Variants in SORT1 observed in about 807,000 individuals in gnomAD.
SORT1 encodes the protein sortilin.
In SORT1, 39 loss-of-function variants were observed where a neutral mutation model predicts 101.7. That is an observed-to-expected ratio of 0.38 (90% confidence interval 0.30 to 0.50). The LOEUF (loss-of-function observed/expected upper bound fraction) is 0.50. Ranked by LOEUF, SORT1 falls within the 20% of genes least tolerant of loss-of-function variation. The probability of loss-of-function intolerance (pLI) is 0.90; values close to 1 mark genes in which losing one functional copy is unlikely to be tolerated. For synonymous variants in SORT1, 396 were observed against 393.7 expected (o/e 1.01, Z -0.07); for missense variants, 878 against 1,040.4 (o/e 0.84, Z 2.15).
chr1:109,314,788 T>C lies in SORT1; in HGVS notation c.2251-10A>G, dbSNP rs1186304048. The C allele has an allele frequency of 9.1e-6, 14 of 1,539,112 alleles. No homozygotes were observed. The highest frequency in any genetic ancestry group is 2.2e-5 in the East Asian group (1 of 44,526). On this transcript the variant is annotated splice_polypyrimidine_tract_variant and intron_variant, in intron 17 of 19. Coordinates refer to ENST00000256637, the MANE Select transcript of SORT1 (RefSeq NM_002959.7). Reference sequence around the variant, plus strand: ...AATTTGACTTGGAATTCTTGAGAAATTAAAACACAAACACAAAAGTTTTAG... The same window carrying C: ...AATTTGACTTGGAATTCTTGAGAAACTAAAACACAAACACAAAAGTTTTAG...
At chr1:109,377,915 C>T (rs904725994) in intron 1 of SORT1, among the ~76,000 whole-genome samples, 8 of 151,974 alleles carry the variant, frequency 5.3e-5, no homozygotes, top group African/African-American at 1.9e-4. Context: ...ACAGTAAATG[C>T]TATTAAGACT....
Position 109,397,768 on chromosome 1 carries a change from G to T in SORT1, c.125C>A (p.Pro42Gln), listed in dbSNP as rs1238548467. The T allele has an allele frequency of 5.0e-6, 6 of 1,210,080 alleles. No homozygotes were observed. Among genetic ancestry groups the T allele is most frequent in the Non-Finnish European group, 6.2e-6 (6 of 972,546 alleles). The allele number at this position is 1,210,080 out of a possible 1,614,324, so 75.0% of individuals were successfully genotyped here. The stretch of plus-strand genomic sequence containing the variant: ...CCAGCGCGGCAGCGGCGCAGCGGGC[G>T]GCGGCGGCGCGTCCAGCCGGTCCTG... ...LSQDRLDAPP[P>Q]PAAPLPRWSG... The change falls in exon 1 of 20, where the codon CCG becomes CAG. Residue 42 changes from proline (P) to glutamine (Q), a missense_variant. Physicochemically the swap from Pro to Gln is moderately conservative, Grantham distance 76. Coordinates refer to ENST00000256637, the MANE Select transcript of SORT1 (RefSeq NM_002959.7).
intron 2 of SORT1, chr1:109,368,785 G>A (rs572136390): frequency 2.9e-4 from 44 of 152,262 alleles, no homozygotes; most frequent in Non-Finnish European, 8.8e-5. Flanking sequence ...ATGAGCCCAT[G>A]GGCACCACAG....
chr1:109,339,259 T>A (rs1033823530), intron 10 of SORT1, among the ~76,000 whole-genome samples: 2 of 152,186 alleles, frequency 1.3e-5, no homozygotes, highest in African/African-American at 4.8e-5. Flanking sequence ...TAAGGCTCAG[T>A]CTTAAATGTT....
At chr1:109,347,382 G>A in intron 7 of SORT1, 101 bp downstream of exon 7, 1 of 748,574 alleles carries the variant, frequency 1.3e-6, no homozygotes, top group South Asian at 1.7e-5. Context: ...ACAATTTCAG[G>A]AGAATGGAGG....
At chr1:109,345,323 C>T (rs1431559694) in intron 8 of SORT1, among the ~76,000 whole-genome samples, 1 of 151,918 alleles carries the variant, frequency 6.6e-6, no homozygotes, top group East Asian at 1.9e-4. Context: ...AAGACCAGCC[C>T]GGCCAACATG....
intron 18 of SORT1, 115 bp from the exon 19 acceptor site, chr1:109,314,499 C>A: frequency 7.6e-7 from 1 of 1,318,792 alleles, no homozygotes. Flanking sequence ...ACACAGAAAG[C>A]ACAGTCCATG....
Position 109,397,835 on chromosome 1 carries a change from G to C in SORT1, c.58C>G (p.Leu20Val). 7.7e-7 allele frequency: 1 copy of C among 1,302,052 alleles called. No individual in the cohort carries two copies. The highest frequency in any genetic ancestry group is 9.9e-7 in the Non-Finnish European group (1 of 1,014,520). 80.7% of individuals were successfully genotyped at this position (1,302,052 alleles called of 1,614,324 possible). ...GGCAGCAGCTGCAGGAGGAGGAGGA[G>C]GCCGAGGCCATGGGGCCAGCGCGAG... ...GLSRWPHGLG[L>V]LLLLQLLPPS... is the part of the protein sequence containing the mutation. Residue 20 changes from leucine to valine, a missense_variant, in exon 1 of 20, where the codon CTC becomes GTC. Leu to Val is a conservative substitution (Grantham distance 32, BLOSUM62 1). Around this residue, in one of 2 missense-constraint regions of SORT1, gnomAD observed 194 missense variants for 145.9 expected, o/e 1.33. Transcript: ENST00000256637.
intron 1 of SORT1, among the ~76,000 whole-genome samples, chr1:109,378,059 C>T (rs1237886284): frequency 2.0e-5 from 3 of 151,840 alleles, no homozygotes; most frequent in East Asian, 1.9e-4. Context: ...AGTGAGACCC[C>T]GCCCCCATCG....
chr1:109,351,358 A>G (rs1195895125), intron 5 of SORT1, among the ~76,000 whole-genome samples: 2 of 152,220 alleles, frequency 1.3e-5, no homozygotes, highest in Non-Finnish European at 2.9e-5. Context: ...GTTATAAAAT[A>G]TGGTCTAGTA....
intron 1 of SORT1, among the ~76,000 whole-genome samples, chr1:109,395,959 C>T (rs1653158539): frequency 6.6e-6 from 1 of 151,998 alleles, no homozygotes; most frequent in Admixed American, 6.6e-5. Context: ...GTGCATGTAC[C>T]AGTAGTCCCG....
rs1648823186 is a variant in SORT1 at position 109,336,315 on chromosome 1, G to A, written c.1296C>T (p.Asp432=). The A allele has an allele frequency of 2.5e-6, 4 of 1,611,916 alleles. No homozygotes were observed. Among genetic ancestry groups the A allele is most frequent in the South Asian group, 1.1e-5 (1 of 91,042 alleles). ...TCAGGTGCGTCCACCTTCCTCCTTG[G>A]TCAAAAGTGATCATGGTCTGGATAG... ...DNSIQTMITF[D]QGGRWTHLRK... The change falls in exon 11 of 20, where the codon GAC becomes GAT. Residue 432 remains aspartate, a synonymous_variant. Coordinates refer to ENST00000256637, the MANE Select transcript of SORT1 (RefSeq NM_002959.7).
intron 1 of SORT1, among the ~76,000 whole-genome samples, chr1:109,375,284 T>C (rs1175490553): frequency 6.6e-6 from 1 of 151,474 alleles, no homozygotes; most frequent in Non-Finnish European, 1.5e-5. Context: ...TAAGATATAA[T>C]AGCCACGGTG....
rs547036921 is a variant in SORT1, at chr1:109,359,088, G to GT, written c.441-3620_441-3619insA. ...TTATAAACTGGGTGGCTTATAAACA[G>GT]CAGAAATTCATTTCTCACTGTTCTG... is the stretch of plus-strand genomic sequence containing the variant. On this transcript the variant is annotated intron_variant, in intron 3 of 19. Transcript: ENST00000256637. Among the ~76,000 whole-genome samples, 234 of 152,298 alleles carry GT rather than the reference G, an allele frequency of 1.5e-3. 3 individuals are homozygous for GT. The highest frequency in any genetic ancestry group is 4.6e-3 in the East Asian group (24 of 5,186).
At chr1:109,369,018 G>A (rs1651288183) in intron 2 of SORT1, among the ~76,000 whole-genome samples, 2 of 152,176 alleles carry the variant, frequency 1.3e-5, no homozygotes, top group South Asian at 4.1e-4. Context: ...CGTGGAAGAA[G>A]GTGGTCAGAA....
At chr1:109,369,450 A>G (rs1188456747) in intron 2 of SORT1, 80 bp downstream of exon 2, 4 of 862,170 alleles carry the variant, frequency 4.6e-6, no homozygotes, top group Non-Finnish European at 8.0e-6. Flanking sequence ...GGAAGAAATG[A>G]TATTAGGTGC....
At chr1:109,370,626 T>C (rs1451888917) in intron 1 of SORT1, among the ~76,000 whole-genome samples, 1 of 152,168 alleles carries the variant, frequency 6.6e-6, no homozygotes, top group Non-Finnish European at 1.5e-5. Context: ...GTTTAATAGT[T>C]CAGTATATAT....
At chr1:109,364,174 A>G (rs1237682215) in intron 3 of SORT1, among the ~76,000 whole-genome samples, 1 of 152,236 alleles carries the variant, frequency 6.6e-6, no homozygotes, top group African/African-American at 2.4e-5. Context: ...GCACTCTAGT[A>G]AAGTATGTCA....
Position 109,317,915 on chromosome 1 carries a change from T to C in SORT1, c.2079A>G (p.Glu693=). ...AAAACTCCAGGTCGTGGCCCTTCAG[T>C]TCTGGCTGTTCCACACACTTGGAGT... ...ENDSKCVEQP[E]LKGHDLEFCL... The change falls in exon 16 of 20, where the codon GAA becomes GAG. Residue 693 remains glutamate, a synonymous_variant. Transcript: ENST00000256637. 6.2e-7 allele frequency: 1 copy of C among 1,614,218 alleles called. No homozygotes were observed. The highest frequency in any genetic ancestry group is 8.5e-7 in the Non-Finnish European group (1 of 1,179,998).
Sources: gnomAD v4.1 joint callset for allele counts (sites outside exome capture counted in the v4.1 genomes callset) on GRCh38, gnomAD v4.1.1 for gene constraint, gnomAD v4.1.1 regional missense constraint, MANE v1.5 for transcripts, NCBI Gene and HGNC (gene_info 2026-07-23, HGNC 2026-07-21) for gene names.